The following TRAPPC3L variants were observed in gnomAD, a reference collection of about 807,000 sequenced individuals.
TRAPPC3L encodes the protein trafficking protein particle complex subunit 3-like protein.
In TRAPPC3L, 23 loss-of-function variants were observed where a neutral mutation model predicts 23.7. The ratio of observed to expected loss-of-function variants is 0.97; its 90% CI spans 0.70 to 1.37. The LOEUF (loss-of-function observed/expected upper bound fraction) is 1.37, where lower values mean the gene tolerates loss of function less well. Ranked by LOEUF, TRAPPC3L falls within the 40% of genes most tolerant of loss-of-function variation. The probability of loss-of-function intolerance (pLI) is 0.00; values close to 1 mark genes in which losing one functional copy is unlikely to be tolerated. For missense variants in TRAPPC3L, 212 were observed against 216.8 expected, an observed-to-expected ratio of 0.98 and a Z score of 0.14; for synonymous variants, 81 against 77.9, an observed-to-expected ratio of 1.04 and a Z score of -0.21.
chr6:116,503,460 G>C (rs1771952857), intron 3 of TRAPPC3L, among the ~76,000 whole-genome samples: 1 of 152,170 alleles, frequency 6.6e-6, no homozygotes, highest in Admixed American at 6.5e-5. Context: ...ATATTAGACA[G>C]ATCAACGAGA....
intron 3 of TRAPPC3L, among the ~76,000 whole-genome samples, chr6:116,529,485 T>C (rs1255535822): frequency 1.3e-5 from 2 of 152,226 alleles, no homozygotes; most frequent in Non-Finnish European, 2.9e-5. Flanking sequence ...GGATTTCCTG[T>C]CAGGCTGCTT....
At position 116,543,408 on chromosome 6, in the gene TRAPPC3L, A is replaced by C. The variant is rs568629316; in HGVS notation, c.43-8T>G. ...GACAAAGAGATCTTTATTCTGGAGA[A>C]AAAGGGGTAGTTTCTGGTTATAGGC... On this transcript the variant is annotated splice_polypyrimidine_tract_variant and splice_region_variant and intron_variant, in intron 1 of 4. Transcript: ENST00000368602. 1.5e-5 allele frequency: 23 copies of C among 1,544,324 alleles called. No homozygotes were observed. In the Admixed American group the frequency reaches 4.0e-4, roughly 27 times the overall value.
intron 3 of TRAPPC3L, chr6:116,524,272 C>A (rs1772404041): frequency 6.6e-6 from 1 of 152,160 alleles, no homozygotes; most frequent in Non-Finnish European, 1.5e-5. Context: ...TTACATTATT[C>A]TCTTTACATT....
At chr6:116,505,093 T>C (rs9400926) in intron 3 of TRAPPC3L, among the ~76,000 whole-genome samples, 62,639 of 152,008 alleles carry the variant, frequency 0.41, 13,751 homozygotes, top group East Asian at 0.56. Context: ...TGTTTGCAGA[T>C]GACATGATTG....
chr6:116,539,937 CT>C (rs1773331662), intron 3 of TRAPPC3L, among the ~76,000 whole-genome samples: 1 of 152,166 alleles, frequency 6.6e-6, no homozygotes, highest in Admixed American at 6.6e-5. Flanking sequence ...ACAGGAAGTT[CT>C]GTTTTTCTCT....
chr6:116,540,529 G>C, intron 2 of TRAPPC3L, 67 bp from the exon 3 acceptor site: 1 of 1,464,388 alleles, frequency 6.8e-7, no homozygotes, highest in Non-Finnish European at 9.3e-7. Context: ...CAGTTTTTAA[G>C]AAGCGATTTG....
At chr6:116,520,829 AAG>A (rs1772319254) in intron 3 of TRAPPC3L, 1 of 152,140 alleles carries the variant, frequency 6.6e-6, no homozygotes, top group Non-Finnish European at 1.5e-5. Flanking sequence ...TCCAGGAAAA[AAG>A]AGACATCCTA....
At chr6:116,532,671 T>A (rs1772816108) in intron 3 of TRAPPC3L, among the ~76,000 whole-genome samples, 1 of 152,220 alleles carries the variant, frequency 6.6e-6, no homozygotes, top group Non-Finnish European at 1.5e-5. Flanking sequence ...TTTGCTTTCT[T>A]TAGATGTAGA....
At chr6:116,519,433 G>GGA (rs1772290134) in intron 3 of TRAPPC3L, 1 of 152,220 alleles carries the variant, frequency 6.6e-6, no homozygotes. Flanking sequence ...CTCCAGGTGA[G>GGA]GAGTCTCCAG....
At chr6:116,543,968 A>G in intron 1 of TRAPPC3L, 1 of 1,040,164 alleles carries the variant, frequency 9.6e-7, no homozygotes, top group Non-Finnish European at 1.4e-6. Context: ...TAAATTATAA[A>G]TGAAAACTAA....
At position 116,497,023 on chromosome 6, in the gene TRAPPC3L, G is replaced by A; in HGVS notation, c.477C>T (p.Asp159=). Residue 159 remains aspartate (D), a synonymous_variant, in exon 5 of 5, where the codon GAC becomes GAT. Coordinates refer to ENST00000368602, the MANE Select transcript of TRAPPC3L (RefSeq NM_001139444.3). ...ATGTTATTCCTATTTCTGTCACACT[G>A]TCACCTTTTAGTCTGTCTTGCAAGA... ...VTFLQDRLKG[D]SVTEIGITFL... 1 of 1,544,542 alleles carries A rather than the reference G, an allele frequency of 6.5e-7. No individual in the cohort carries two copies. The highest frequency in any genetic ancestry group is 1.4e-5 in the African/African-American group (1 of 72,254).
chr6:116,503,988 C>T (rs1385596594), intron 3 of TRAPPC3L, among the ~76,000 whole-genome samples: 3 of 151,996 alleles, frequency 2.0e-5, no homozygotes, highest in South Asian at 2.1e-4. Context: ...CAAAGAAACT[C>T]GAAAGCTAGT....
chr6:116,537,716 G>A (rs901510107), intron 3 of TRAPPC3L, among the ~76,000 whole-genome samples: 15 of 152,174 alleles, frequency 9.9e-5, no homozygotes, highest in African/African-American at 3.6e-4. Context: ...AGCATTCGCA[G>A]GCTACCTCCT....
chr6:116,535,127 A>G (rs1562350006), intron 3 of TRAPPC3L, among the ~76,000 whole-genome samples: 1 of 152,256 alleles, frequency 6.6e-6, no homozygotes, highest in Non-Finnish European at 1.5e-5. Context: ...TTTGGAAGCT[A>G]CATTCACCAC....
intron 3 of TRAPPC3L, chr6:116,517,593 C>T (rs1772253353): frequency 6.6e-6 from 1 of 152,120 alleles, no homozygotes; most frequent in African/African-American, 2.4e-5. Context: ...GGACCCAGAA[C>T]ATATCTATGT....
At chr6:116,513,651 G>A (rs1310578829) in intron 3 of TRAPPC3L, among the ~76,000 whole-genome samples, 2 of 152,218 alleles carry the variant, frequency 1.3e-5, no homozygotes, top group African/African-American at 4.8e-5. Flanking sequence ...GTGGGCAAGA[G>A]AACTTGTATC....
intron 3 of TRAPPC3L, among the ~76,000 whole-genome samples, chr6:116,514,772 T>C (rs1772189505): frequency 6.6e-6 from 1 of 152,208 alleles, no homozygotes; most frequent in Non-Finnish European, 1.5e-5. Context: ...GGTTCATTTG[T>C]AGATTATTAT....
chr6:116,531,896 TA>T (rs1183540019), intron 3 of TRAPPC3L, among the ~76,000 whole-genome samples: 1 of 149,852 alleles, frequency 6.7e-6, no homozygotes, highest in African/African-American at 2.4e-5. Context: ...TATTTAATTT[TA>T]AAATATAATA....
intron 3 of TRAPPC3L, 68 bp from the exon 4 acceptor site, chr6:116,500,734 A>AC: frequency 7.2e-7 from 1 of 1,383,312 alleles, no homozygotes; most frequent in East Asian, 2.5e-5. Context: ...GACTAAACAA[A>AC]TACCCAGTTC....
Sources: gnomAD v4.1 joint callset for allele counts (sites outside exome capture counted in the v4.1 genomes callset) on GRCh38, gnomAD v4.1.1 for gene constraint, MANE v1.5 for transcripts, NCBI Gene and HGNC (gene_info 2026-07-23, HGNC 2026-07-21) for gene names.